The following VAV2 variants were observed in gnomAD, a reference collection of about 807,000 sequenced individuals.
The protein encoded by VAV2 is vav guanine nucleotide exchange factor 2, also known as guanine nucleotide exchange factor VAV2.
A neutral mutation model predicts 132.5 loss-of-function variants in VAV2; 67 were observed. That is an observed-to-expected ratio of 0.51 (90% CI 0.42 to 0.62). The LOEUF is 0.62. Ranked by LOEUF, VAV2 falls within the 20% of genes least tolerant of loss-of-function variation. The pLI is 0.00. For synonymous variants in VAV2, 492 were observed against 443.5 expected, an observed-to-expected ratio of 1.11 and a Z score of -1.37; for missense variants, 938 against 1,153.6, an observed-to-expected ratio of 0.81 and a Z score of 2.71.
chr9:133,982,604 C>T (rs548272431), intron 1 of VAV2, among the ~76,000 whole-genome samples: 3 of 152,236 alleles, frequency 2.0e-5, no homozygotes, highest in African/African-American at 4.8e-5. Context: ...CTCCGGCTGC[C>T]GCCTGGTTTT....
chr9:133,882,395 C>G (rs1838534496), intron 2 of VAV2, among the ~76,000 whole-genome samples: 1 of 152,214 alleles, frequency 6.6e-6, no homozygotes, highest in Admixed American at 6.5e-5. Context: ...GAGAGCATCC[C>G]CTACGGTTCA....
At position 133,791,910 on chromosome 9, in the gene VAV2, G is replaced by A. The variant is rs1237970104; in HGVS notation, c.1102-41C>T. 2.6e-6 allele frequency: 4 copies of A among 1,556,180 alleles called. No homozygotes were observed. The East Asian group carries it at 6.7e-5, about 26-fold the overall frequency. ...CAGAGGTGAGCGGGCTGTGCTGGGT[G>A]GGGTGTGTGTGACTGTGTGTGTAAG... On this transcript the variant is annotated intron_variant, in intron 12 of 29. Coordinates refer to ENST00000371850, the MANE Select transcript of VAV2 (RefSeq NM_001134398.2).
At chr9:133,933,607 G>C (rs531410131) in intron 2 of VAV2, among the ~76,000 whole-genome samples, 12 of 150,994 alleles carry the variant, frequency 7.9e-5, no homozygotes, top group African/African-American at 2.9e-4. Flanking sequence ...ATGGGTGGAA[G>C]GACGAGTAAA....
At chr9:133,795,522 G>T in intron 12 of VAV2, 146 bp downstream of exon 12, 1 of 961,878 alleles carries the variant, frequency 1.0e-6, no homozygotes, top group Non-Finnish European at 1.6e-6. Flanking sequence ...CTCACCCACT[G>T]CCCTGCCCTG....
In VAV2 at chr9:133,935,743, C is replaced by T. The variant is rs1413616735; in HGVS notation, c.321+3360G>A. ...GGAAGTGCTGACCACAGCTTGACCA[C>T]GGTAGGAAAAACATCCAGGGAAGGA... On this transcript the variant is annotated intron_variant, in intron 2 of 29. Transcript: ENST00000371850. The surrounding 1 kb of genome is among the most constrained non-coding windows in gnomAD (Gnocchi z 5.2). 5.9e-5 allele frequency among the ~76,000 whole-genome samples: 9 copies of T among 152,346 alleles called. No individual in the cohort carries two copies. The highest frequency in any genetic ancestry group is 2.1e-4 in the South Asian group (1 of 4,830).
In VAV2 at chr9:133,935,064, CT is replaced by C. The variant is rs1480837978; in HGVS notation, c.321+4038del. The stretch of plus-strand genomic sequence containing the variant: ...CACCCCAGACGACAGTCAGTTCTGA[CT>C]GCAGAGCTTTGTGTTCTGGGGAGAA... On this transcript the variant is annotated intron_variant, in intron 2 of 29. Transcript: ENST00000371850. This position sits in a 1 kb window ranked among gnomAD's most constrained non-coding sequence, Gnocchi z 5.2. 6.8e-6 allele frequency among the ~76,000 whole-genome samples: 1 copy of C among 148,102 alleles called. No individual in the cohort carries two copies. Among genetic ancestry groups the C allele is most frequent in the Non-Finnish European group, 1.5e-5 (1 of 67,012 alleles).
At chr9:133,781,085 G>C (rs184869612) in intron 19 of VAV2, among the ~76,000 whole-genome samples, 1 of 152,344 alleles carries the variant, frequency 6.6e-6, no homozygotes, top group East Asian at 1.9e-4. Flanking sequence ...CAATCGCTTA[G>C]TGATGCCTGC....
chr9:133,796,230 A>C (rs761360467), intron 11 of VAV2, among the ~76,000 whole-genome samples, 199 bp downstream of exon 11: 1 of 152,164 alleles, frequency 6.6e-6, no homozygotes, highest in African/African-American at 2.4e-5. Context: ...GATTGGACTC[A>C]TCATTTTCCT....
At chr9:133,859,001 G>A (rs1229917479) in intron 3 of VAV2, among the ~76,000 whole-genome samples, 1 of 152,160 alleles carries the variant, frequency 6.6e-6, no homozygotes, top group Admixed American at 6.5e-5. Context: ...AGGGCCAACC[G>A]ACTGCTCTGC....
intron 2 of VAV2, among the ~76,000 whole-genome samples, chr9:133,923,993 G>C (rs993240765): frequency 6.6e-6 from 1 of 152,028 alleles, no homozygotes; most frequent in Non-Finnish European, 1.5e-5. Context: ...GCCTGTCGGG[G>C]GGTGGGGGAC....
In VAV2 at chr9:133,918,319, G is replaced by A. The variant is rs541629468; in HGVS notation, c.321+20784C>T. 3.2e-4 allele frequency among the ~76,000 whole-genome samples: 48 copies of A among 148,866 alleles called. No individual in the cohort carries two copies. Among genetic ancestry groups the A allele is most frequent in the South Asian group, 4.4e-4 (2 of 4,548 alleles). On this transcript the variant is annotated intron_variant, in intron 2 of 29. Coordinates refer to ENST00000371850, the MANE Select transcript of VAV2 (RefSeq NM_001134398.2). This position sits in a 1 kb window ranked among gnomAD's most constrained non-coding sequence, Gnocchi z 4.7. ...GCGAACCAGAGAGCAGGAAGGCGGC[G>A]CTGGCTCCGAGCCTTGTGTCTGCAT...
At chr9:133,848,182 A>G (rs1225029697) in intron 3 of VAV2, among the ~76,000 whole-genome samples, 2 of 147,436 alleles carry the variant, frequency 1.4e-5, no homozygotes, top group African/African-American at 2.5e-5. Flanking sequence ...CGGGAGGCTG[A>G]GGCAGGAGAA....
intron 1 of VAV2, among the ~76,000 whole-genome samples, chr9:133,990,670 A>G (rs985901393): frequency 6.6e-6 from 1 of 152,024 alleles, no homozygotes. Flanking sequence ...CCCAACAGCT[A>G]CCCTTCTCCT....
In VAV2 at chr9:133,804,901, A is replaced by AAGC. The variant is rs1835074622; in HGVS notation, c.836+1177_836+1179dup. Among the ~76,000 whole-genome samples the AAGC allele has an allele frequency of 6.6e-6, 1 of 152,222 alleles. No homozygotes were observed. The highest frequency in any genetic ancestry group is 1.5e-5 in the Non-Finnish European group (1 of 68,002). ...CTGGTCCCCTCTGCCACTGGACCAC[A>AAGC]AGCACTGCCTGCTCCCTCGTGTCTC... On this transcript the variant is annotated intron_variant, in intron 9 of 29. Coordinates refer to ENST00000371850, the MANE Select transcript of VAV2 (RefSeq NM_001134398.2). The surrounding 1 kb of genome is among the most constrained non-coding windows in gnomAD (Gnocchi z 4.5).
At chr9:133,807,231 A>G (rs1307203927) in intron 8 of VAV2, 27 bp downstream of exon 8, 6 of 1,604,796 alleles carry the variant, frequency 3.7e-6, no homozygotes, top group East Asian at 2.2e-5. Context: ...CGAGCCTGGC[A>G]TGAGCGATGG....
chr9:133,829,891 C>CTG (rs1836197377), intron 4 of VAV2, among the ~76,000 whole-genome samples: 1 of 152,206 alleles, frequency 6.6e-6, no homozygotes, highest in Admixed American at 6.5e-5. Flanking sequence ...TGTCCTTCGG[C>CTG]TTCCACACTC....
At chr9:133,886,836 C>G (rs1265171746) in intron 2 of VAV2, among the ~76,000 whole-genome samples, 2 of 152,258 alleles carry the variant, frequency 1.3e-5, no homozygotes, top group Non-Finnish European at 2.9e-5. Flanking sequence ...AATCCATACT[C>G]CAGGGGTCTG....
Position 133,883,120 on chromosome 9 carries a change from A to T in VAV2, c.322-21688T>A, listed in dbSNP as rs1838565988. 6.6e-6 allele frequency among the ~76,000 whole-genome samples: 1 copy of T among 152,044 alleles called. No individual in the cohort carries two copies. Among genetic ancestry groups the T allele is most frequent in the Admixed American group, 6.5e-5 (1 of 15,274 alleles). The stretch of plus-strand genomic sequence containing the variant: ...CCCCACCCCCTGCTGCTCTCTCTGG[A>T]TCCTTCCCTCCTAATTGGCATGGAA... On this transcript the variant is annotated intron_variant, in intron 2 of 29. Transcript: ENST00000371850. This position sits in a 1 kb window ranked among gnomAD's most constrained non-coding sequence, Gnocchi z 4.2.
At chr9:133,783,382 T>G in intron 19 of VAV2, 121 bp downstream of exon 19, 2 of 890,170 alleles carry the variant, frequency 2.2e-6, no homozygotes, top group Non-Finnish European at 3.7e-6. Flanking sequence ...TGAGCACTGG[T>G]GCCCTCATCT....
Sources: allele counts gnomAD v4.1 joint callset (sites outside exome capture counted in the v4.1 genomes callset), GRCh38; gene constraint gnomAD v4.1.1; non-coding constraint Gnocchi (gnomAD v3.1); transcripts MANE v1.5; gene names NCBI Gene and HGNC (gene_info 2026-07-23, HGNC 2026-07-21).